The following KLHDC1 variants were observed in gnomAD, a reference collection of about 807,000 sequenced individuals.
KLHDC1 encodes the protein kelch domain containing 1.
KLHDC1 carries 53 observed loss-of-function variants against 68.3 expected under a neutral mutation model. The observed-to-expected ratio is 0.78, with a 90% CI of 0.62 to 0.98. The LOEUF (loss-of-function observed/expected upper bound fraction) is 0.98, where lower values mean the gene tolerates loss of function less well. KLHDC1 is among the 50% of genes least tolerant of loss of function. KLHDC1 has a pLI of 0.00. For missense variants in KLHDC1, 470 were observed against 492.3 expected (o/e 0.95, Z 0.43); for synonymous variants, 148 against 159.0 (o/e 0.93, Z 0.52).
At chr14:49,733,640 C>G (rs1888867888) in intron 9 of KLHDC1, among the ~76,000 whole-genome samples, 1 of 151,986 alleles carries the variant, frequency 6.6e-6, no homozygotes, top group Non-Finnish European at 1.5e-5. Context: ...CCAGGCTGGT[C>G]TCGAATTCCT....
chr14:49,711,548 C>T (rs1044802041), intron 4 of KLHDC1, among the ~76,000 whole-genome samples: 2 of 152,124 alleles, frequency 1.3e-5, no homozygotes, highest in African/African-American at 4.8e-5. Flanking sequence ...CCATGTTGGC[C>T]AGGCTGGCCT....
At chr14:49,701,536 G>A (rs1335880153) in intron 1 of KLHDC1, among the ~76,000 whole-genome samples, 2 of 152,166 alleles carry the variant, frequency 1.3e-5, no homozygotes, top group East Asian at 3.9e-4. Context: ...GTGCATGCCT[G>A]TAATCCCAGC....
chr14:49,743,894 GT>G (rs1889128903), intron 12 of KLHDC1, 89 bp downstream of exon 12: 5 of 754,174 alleles, frequency 6.6e-6, no homozygotes, highest in Admixed American at 2.7e-5. Flanking sequence ...TATTTTTCAG[GT>G]TGCTTATGAC....
At chr14:49,719,673 T>C (rs1009295587) in intron 4 of KLHDC1, among the ~76,000 whole-genome samples, 13 of 151,982 alleles carry the variant, frequency 8.6e-5, no homozygotes, top group Admixed American at 6.6e-4. Flanking sequence ...CCTGACCTCG[T>C]GATCCACTTG....
At chr14:49,723,992 G>C (rs1470648904) in intron 5 of KLHDC1, 40 bp downstream of exon 5, 2 of 1,165,910 alleles carry the variant, frequency 1.7e-6, no homozygotes, top group East Asian at 4.8e-5. Context: ...CTCCAAGTCA[G>C]TATAGCCTTA....
intron 12 of KLHDC1, among the ~76,000 whole-genome samples, chr14:49,748,725 A>G (rs756885774): frequency 2.0e-5 from 3 of 152,016 alleles, no homozygotes; most frequent in African/African-American, 4.8e-5. Flanking sequence ...TAGGGGGTAT[A>G]TATATACATG....
intron 2 of KLHDC1, 115 bp downstream of exon 2, chr14:49,709,344 C>CCCTTT (rs1888138926): frequency 3.8e-6 from 2 of 532,678 alleles, no homozygotes; most frequent in Middle Eastern, 2.9e-4. Context: ...TTTGAAGTCT[C>CCCTTT]CCTTTCCTTT....
chr14:49,703,855 A>T (rs990564052), intron 1 of KLHDC1, among the ~76,000 whole-genome samples: 1 of 152,216 alleles, frequency 6.6e-6, no homozygotes, highest in Non-Finnish European at 1.5e-5. Context: ...CAATTTATCC[A>T]TTCCATTATT....
Position 49,693,217 on chromosome 14 carries a change from G to T in KLHDC1, c.23G>T (p.Cys8Phe), listed in dbSNP as rs1307542823. 1.3e-6 allele frequency: 2 copies of T among 1,578,720 alleles called. No individual in the cohort carries two copies. Among genetic ancestry groups the T allele is most frequent in the Non-Finnish European group, 1.7e-6 (2 of 1,164,352 alleles). The change falls in exon 1 of 13, where the codon TGT becomes TTT. Residue 8 changes from cysteine to phenylalanine, a missense_variant. By Grantham distance (205) the Cys-to-Phe change is radical. Coordinates refer to ENST00000359332, the MANE Select transcript of KLHDC1 (RefSeq NM_172193.3). MADSQLF[C>F]VAEERSGHCA... ...CGAATGGCGGACTCTCAGCTGTTCTGTGTGGCGGAGGAACGCAGCGGCCAC... is the reference window on the plus strand; with the variant it reads ...CGAATGGCGGACTCTCAGCTGTTCTTTGTGGCGGAGGAACGCAGCGGCCAC...
intron 1 of KLHDC1, among the ~76,000 whole-genome samples, chr14:49,701,530 A>C (rs962782420): frequency 6.6e-6 from 1 of 152,040 alleles, no homozygotes; most frequent in Non-Finnish European, 1.5e-5. Flanking sequence ...GTGGTGGTGC[A>C]TGCCTGTAAT....
At chr14:49,698,291 C>A (rs544950156) in intron 1 of KLHDC1, among the ~76,000 whole-genome samples, 1 of 152,110 alleles carries the variant, frequency 6.6e-6, no homozygotes, top group African/African-American at 2.4e-5. Context: ...GCAACCTCCG[C>A]CTCCTAGGTT....
chr14:49,747,734 C>T (rs201614096), intron 12 of KLHDC1, among the ~76,000 whole-genome samples: 6 of 152,070 alleles, frequency 3.9e-5, no homozygotes, highest in East Asian at 3.9e-4. Context: ...AAGATGCTGA[C>T]GTCTGTCTGC....
At chr14:49,724,582 A>C (rs575900227) in intron 5 of KLHDC1, among the ~76,000 whole-genome samples, 2 of 151,926 alleles carry the variant, frequency 1.3e-5, no homozygotes, top group Admixed American at 1.3e-4. Flanking sequence ...CACACATTTC[A>C]TGTATATTGC....
chr14:49,693,356 G>A (rs1439403134), intron 1 of KLHDC1, 66 bp downstream of exon 1: 4 of 1,155,994 alleles, frequency 3.5e-6, no homozygotes, highest in East Asian at 6.5e-5. Flanking sequence ...CGGACGCAGC[G>A]CCCGCCACAC....
intron 1 of KLHDC1, among the ~76,000 whole-genome samples, chr14:49,704,387 G>GT (rs35067251): frequency 0.62 from 42,735 of 68,662 alleles, 16,940 homozygotes; most frequent in South Asian, 0.83. Flanking sequence ...TTCCTTTTCT[G>GT]TTTTTTTTTT....
At chr14:49,701,934 C>T (rs148445773) in intron 1 of KLHDC1, among the ~76,000 whole-genome samples, 2,648 of 151,490 alleles carry the variant, frequency 0.017, 69 homozygotes, top group African/African-American at 0.061. Context: ...TTTGGGAGGC[C>T]GAGGCGGGCA....
At chr14:49,718,769 C>CTTTTTTTTTTTTTTTTTTTTTTTTTTT (rs71115397) in intron 4 of KLHDC1, among the ~76,000 whole-genome samples, 2 of 76,846 alleles carry the variant, frequency 2.6e-5, no homozygotes, top group African/African-American at 5.3e-5. Flanking sequence ...TTCTTTCTTT[C>CTTTTTTTTTTTTTTTTTTTTTTTTTTT]TTTTTTTTTT....
chr14:49,730,804 C>G (rs1203161737), intron 8 of KLHDC1, among the ~76,000 whole-genome samples: 1 of 151,274 alleles, frequency 6.6e-6, no homozygotes, highest in East Asian at 2.0e-4. Context: ...GAAACCCCAG[C>G]TCTACTAAAA....
At chr14:49,730,762 C>G (rs1888786351) in intron 8 of KLHDC1, among the ~76,000 whole-genome samples, 1 of 152,110 alleles carries the variant, frequency 6.6e-6, no homozygotes, top group East Asian at 1.9e-4. Context: ...CACCTGAGGT[C>G]AGGAGTTTGA....
Sources: allele counts gnomAD v4.1 joint callset (sites outside exome capture counted in the v4.1 genomes callset), GRCh38; gene constraint gnomAD v4.1.1; transcripts MANE v1.5; gene names NCBI Gene and HGNC (gene_info 2026-07-23, HGNC 2026-07-21).